The following ITSN2 variants were observed in gnomAD, a reference collection of about 807,000 sequenced individuals.
The protein encoded by ITSN2 is intersectin-2.
A neutral mutation model predicts 243.7 loss-of-function variants in ITSN2; 156 were observed. The ratio of observed to expected loss-of-function variants is 0.64; its 90% CI spans 0.56 to 0.73. The LOEUF is 0.73. Ranked by LOEUF, ITSN2 falls within the 30% of genes least tolerant of loss-of-function variation. The pLI is 0.00. For missense variants in ITSN2, 1,801 were observed against 1,996.1 expected, an observed-to-expected ratio of 0.90 and a Z score of 1.86; for synonymous variants, 703 against 699.9, an observed-to-expected ratio of 1.00 and a Z score of -0.07.
intron 18 of ITSN2, 74 bp from the exon 19 acceptor site, chr2:24,272,015 T>A: frequency 8.1e-7 from 1 of 1,238,810 alleles, no homozygotes; most frequent in Non-Finnish European, 1.1e-6. Context: ...TACTAAGATC[T>A]GGTTCCTGTC....
chr2:24,304,755 A>AGCAAAC (rs750246777), intron 8 of ITSN2, among the ~76,000 whole-genome samples: 37 of 152,340 alleles, frequency 2.4e-4, no homozygotes, highest in Middle Eastern at 6.8e-3. Flanking sequence ...CAGGCAATAG[A>AGCAAAC]GCAAACAGAA....
chr2:24,261,806 T>C, intron 20 of ITSN2, 64 bp from the exon 21 acceptor site: 1 of 1,212,862 alleles, frequency 8.2e-7, no homozygotes, highest in Non-Finnish European at 1.2e-6. Context: ...TGGAAAGAGA[T>C]GAAAACTATT....
intron 8 of ITSN2, among the ~76,000 whole-genome samples, chr2:24,306,608 A>C (rs1682570004): frequency 6.6e-6 from 1 of 152,192 alleles, no homozygotes. Flanking sequence ...CTGTCGATGA[A>C]CATTTAGGTT....
At chr2:24,226,674 A>AT (rs1372300900) in intron 29 of ITSN2, among the ~76,000 whole-genome samples, 1 of 151,784 alleles carries the variant, frequency 6.6e-6, no homozygotes, top group Non-Finnish European at 1.5e-5. Context: ...CTGGACAGTT[A>AT]TTTTTTCTCT....
chr2:24,208,736 T>A (rs1194216476), intron 36 of ITSN2, among the ~76,000 whole-genome samples: 2 of 152,204 alleles, frequency 1.3e-5, no homozygotes, highest in East Asian at 3.9e-4. Flanking sequence ...GGCGAAAGTC[T>A]GCAGGTGGAG....
At chr2:24,324,023 G>C (rs889619433) in intron 2 of ITSN2, among the ~76,000 whole-genome samples, 5 of 152,280 alleles carry the variant, frequency 3.3e-5, no homozygotes, top group Admixed American at 2.0e-4. Context: ...ACGAGGTCAG[G>C]AGATGGAGAC....
chr2:24,301,754 G>A (rs961856469), intron 10 of ITSN2, among the ~76,000 whole-genome samples: 4 of 151,940 alleles, frequency 2.6e-5, no homozygotes, highest in African/African-American at 7.3e-5. Flanking sequence ...CTGAACTCCC[G>A]GCCTCATGTG....
At chr2:24,234,595 G>A (rs1386202712) in intron 29 of ITSN2, among the ~76,000 whole-genome samples, 4 of 152,074 alleles carry the variant, frequency 2.6e-5, no homozygotes, top group East Asian at 3.9e-4. Flanking sequence ...TGCAAAAGAC[G>A]TATCTGATAA....
Position 24,354,094 on chromosome 2 carries a change from T to C in ITSN2, c.-34+6210A>G, listed in dbSNP as rs527584909. Among the ~76,000 whole-genome samples the C allele has an allele frequency of 7.9e-5, 12 of 152,324 alleles. No individual in the cohort carries two copies. In the South Asian group the frequency reaches 2.5e-3, roughly 32 times the overall value. On this transcript the variant is annotated intron_variant, in intron 1 of 39. Coordinates refer to ENST00000355123, the MANE Select transcript of ITSN2 (RefSeq NM_006277.3). The stretch of plus-strand genomic sequence containing the variant: ...AAACAGCAGCCATCAATCATCAATA[T>C]TTACTAAGTGCCAAGCCCTACACTA...
chr2:24,288,921 T>C (rs1484639920), intron 15 of ITSN2, among the ~76,000 whole-genome samples: 1 of 152,184 alleles, frequency 6.6e-6, no homozygotes, highest in Non-Finnish European at 1.5e-5. Context: ...ACCGTATTTG[T>C]CTTTCTGCGC....
chr2:24,232,372 G>A (rs949374831), intron 29 of ITSN2, among the ~76,000 whole-genome samples: 3 of 152,046 alleles, frequency 2.0e-5, no homozygotes, highest in African/African-American at 7.2e-5. Flanking sequence ...TTTTACTTTT[G>A]AATCTACTGT....
At chr2:24,334,466 A>C in intron 1 of ITSN2, 1 of 627,058 alleles carries the variant, frequency 1.6e-6, no homozygotes, top group Admixed American at 1.9e-5. Context: ...GCACAGTTAC[A>C]GAAAGAATTA....
Position 24,301,200 on chromosome 2 carries a change from A to G in ITSN2, c.1035T>C (p.Pro345=), listed in dbSNP as rs766534954. 3.7e-6 allele frequency: 6 copies of G among 1,608,676 alleles called. No individual in the cohort carries two copies. Among genetic ancestry groups the G allele is most frequent in the Non-Finnish European group, 5.1e-6 (6 of 1,176,822 alleles). The change falls in exon 11 of 40, where the codon CCT becomes CCC. Residue 345 remains proline (P), a synonymous_variant. Transcript: ENST00000355123. ...KQIDSINGTL[P]SYQKMQEEEP... The stretch of plus-strand genomic sequence containing the variant: ...CCTCTTCTTGCATTTTCTGATATGA[A>G]GGCAGAGTTCCATTAATGGAATCAA...
chr2:24,265,321 CTT>C (rs1348819512), intron 20 of ITSN2, among the ~76,000 whole-genome samples: 1 of 152,146 alleles, frequency 6.6e-6, no homozygotes, highest in African/African-American at 2.4e-5. Context: ...TCTTGCAAAT[CTT>C]TTATCAGTTT....
intron 25 of ITSN2, 115 bp downstream of exon 25, chr2:24,252,230 G>A (rs1674433802): frequency 1.3e-6 from 1 of 767,638 alleles, no homozygotes; most frequent in Admixed American, 2.7e-5. Flanking sequence ...CCATAAACAT[G>A]ATCTCTAAGT....
At chr2:24,302,441 G>A (rs1031937876) in intron 9 of ITSN2, among the ~76,000 whole-genome samples, 7 of 151,934 alleles carry the variant, frequency 4.6e-5, no homozygotes, top group Non-Finnish European at 7.4e-5. Flanking sequence ...CTCGTGATCC[G>A]CCCGCCTCAG....
At chr2:24,303,763 T>C (rs1220379834) in intron 9 of ITSN2, 36 bp downstream of exon 9, 2 of 1,299,048 alleles carry the variant, frequency 1.5e-6, no homozygotes, top group Admixed American at 1.7e-5. Context: ...TAATGCATAG[T>C]TAAATTAATC....
intron 1 of ITSN2, among the ~76,000 whole-genome samples, chr2:24,351,179 A>G (rs971466850): frequency 6.6e-6 from 1 of 152,040 alleles, no homozygotes; most frequent in Admixed American, 6.6e-5. Flanking sequence ...TCTGAGTGAC[A>G]CTTCTACTAA....
intron 2 of ITSN2, among the ~76,000 whole-genome samples, chr2:24,316,061 G>A (rs1162370797): frequency 5.9e-5 from 9 of 152,132 alleles, no homozygotes; most frequent in Admixed American, 4.6e-4. Context: ...GTGAAGAGGA[G>A]GGATAAGAAC....
Sources: gnomAD v4.1 joint callset for allele counts (sites outside exome capture counted in the v4.1 genomes callset) on GRCh38, gnomAD v4.1.1 for gene constraint, MANE v1.5 for transcripts, NCBI Gene and HGNC (gene_info 2026-07-23, HGNC 2026-07-21) for gene names.